ZC3H14: variants seen among roughly 807,000 people sequenced by gnomAD.
ZC3H14 encodes zinc finger CCCH-type containing 14.
A neutral mutation model predicts 92.4 loss-of-function variants in ZC3H14; 31 were observed. The ratio of observed to expected loss-of-function variants is 0.34; its 90% CI spans 0.25 to 0.45. The LOEUF (loss-of-function observed/expected upper bound fraction) is 0.45, where lower values mean the gene tolerates loss of function less well. Ranked by LOEUF, ZC3H14 falls within the 20% of genes least tolerant of loss-of-function variation. The pLI is 1.00. For synonymous variants in ZC3H14, 321 were observed against 300.9 expected (o/e 1.07, Z -0.69); for missense variants, 781 against 897.3 (o/e 0.87, Z 1.66).
chr14:88,581,268 G>A (rs1412542930), intron 9 of ZC3H14, among the ~76,000 whole-genome samples: 1 of 152,018 alleles, frequency 6.6e-6, no homozygotes, highest in Non-Finnish European at 1.5e-5. Context: ...TAAAAAACTA[G>A]GCTTCTTGGG....
chr14:88,566,718 G>A (rs1257824099), intron 2 of ZC3H14, among the ~76,000 whole-genome samples: 1 of 152,062 alleles, frequency 6.6e-6, no homozygotes, highest in Non-Finnish European at 1.5e-5. Flanking sequence ...TCAGGAGTTC[G>A]AGACCAGCCT....
intron 9 of ZC3H14, among the ~76,000 whole-genome samples, chr14:88,583,473 T>C (rs967885414): frequency 2.6e-5 from 4 of 152,150 alleles, no homozygotes; most frequent in African/African-American, 9.7e-5. Flanking sequence ...CCTCAGGCTG[T>C]CTTCTTCTCA....
At chr14:88,582,201 C>CT (rs2081987832) in intron 9 of ZC3H14, among the ~76,000 whole-genome samples, 1 of 152,190 alleles carries the variant, frequency 6.6e-6, no homozygotes, top group Admixed American at 6.5e-5. Context: ...TAGAGTTATG[C>CT]TTTTAAGAGT....
Position 88,621,934 on chromosome 14 carries a change from C to G in ZC3H14, c.*10183C>G, listed in dbSNP as rs1397333275. 4.4e-6 allele frequency: 2 copies of G among 454,752 alleles called. No homozygotes were observed. The highest frequency in any genetic ancestry group is 8.8e-6 in the Non-Finnish European group (2 of 226,190). 28.2% of individuals were successfully genotyped at this position (454,752 alleles called of 1,614,324 possible). A position where few individuals can be genotyped will look rare whatever the true frequency, so the allele number is the denominator to read the frequency against. On this transcript the variant is annotated 3_prime_UTR_variant, in exon 17 of 17. Coordinates refer to ENST00000251038, the MANE Select transcript of ZC3H14 (RefSeq NM_024824.5). Reference sequence around the variant, plus strand: ...AAATACATAAATACGTGATTCTTAACTATAGTCATCCTACAGTACTACAGA... The same window carrying G: ...AAATACATAAATACGTGATTCTTAAGTATAGTCATCCTACAGTACTACAGA...
chr14:88,575,685 A>C (rs2081071442), intron 7 of ZC3H14, among the ~76,000 whole-genome samples, 155 bp from the exon 8 acceptor site: 1 of 152,136 alleles, frequency 6.6e-6, no homozygotes, highest in African/African-American at 2.4e-5. Flanking sequence ...TGTCTAAAAA[A>C]AAAAATAAGG....
In ZC3H14 at chr14:88,616,962, C is replaced by T. The variant is rs138568052; in HGVS notation, c.*5211C>T. ...TTCAAAAAGTTTCTTGGCAATTAAT[C>T]TCTAAGTACCCTATCATGTTACTTA... is the stretch of plus-strand genomic sequence containing the variant. On this transcript the variant is annotated 3_prime_UTR_variant, in exon 17 of 17. Coordinates refer to ENST00000251038, the MANE Select transcript of ZC3H14 (RefSeq NM_024824.5). 398 of 1,298,798 alleles carry T rather than the reference C, an allele frequency of 3.1e-4. No individual in the cohort carries two copies. In the African/African-American group the frequency reaches 4.7e-3, roughly 15 times the overall value. The allele number at this position is 1,298,798 out of a possible 1,614,324, so 80.5% of individuals were successfully genotyped here.
At chr14:88,585,290 A>G (rs900774206) in intron 9 of ZC3H14, among the ~76,000 whole-genome samples, 3 of 151,390 alleles carry the variant, frequency 2.0e-5, no homozygotes, top group Admixed American at 1.3e-4. Flanking sequence ...CATGTTTTTT[A>G]AGGTTCATTA....
rs1456236534 is a variant in ZC3H14 at position 88,613,709 on chromosome 14, A to C, written c.*1958A>C. On this transcript the variant is annotated 3_prime_UTR_variant, in exon 17 of 17. Transcript: ENST00000251038. ...TGGCGATTGGAAGCAAGGGTACCAG[A>C]GGGCACAGTGTGCTTTGGCATGCAT... The C allele has an allele frequency of 6.6e-6, 1 of 152,214 alleles. No individual in the cohort carries two copies. The highest frequency in any genetic ancestry group is 1.5e-5 in the Non-Finnish European group (1 of 68,036). The allele number at this position is 152,214 out of a possible 1,614,324, so 9.4% of individuals were successfully genotyped here.
rs2088837852 is a variant in ZC3H14 at position 88,621,102 on chromosome 14, T to G, written c.*9351T>G. On this transcript the variant is annotated 3_prime_UTR_variant, in exon 17 of 17. Transcript: ENST00000251038. The stretch of plus-strand genomic sequence containing the variant: ...GTTGTAACCTCTTTTAAAAAAATTA[T>G]CTGTACTTACTTTATCAGCAATATC... The G allele has an allele frequency of 6.2e-7, 1 of 1,607,070 alleles. No individual in the cohort carries two copies. Among genetic ancestry groups the G allele is most frequent in the East Asian group, 2.2e-5 (1 of 44,796 alleles).
intron 8 of ZC3H14, 60 bp downstream of exon 8, chr14:88,576,000 T>G: frequency 7.3e-7 from 1 of 1,363,882 alleles, no homozygotes; most frequent in Non-Finnish European, 1.0e-6. Flanking sequence ...TTGAGTAAGG[T>G]GAAAATGATT....
rs750515011 is a variant in ZC3H14, at chr14:88,563,122, C to T, written c.-12C>T. 5 of 1,589,390 alleles carry T rather than the reference C, an allele frequency of 3.1e-6. No homozygotes were observed. The Admixed American group carries it at 8.6e-5, about 27-fold the overall frequency. ...CGCCGCGCAGTGCTGAGTTCCCGCA[C>T]GCCGCAGAGCCATGGAGATCGGCAC... is the stretch of plus-strand genomic sequence containing the variant. On this transcript the variant is annotated 5_prime_UTR_variant, in exon 1 of 17. It adds an upstream start codon to the 5' untranslated region. Transcript: ENST00000251038.
rs1009281288 is a variant in ZC3H14 at position 88,572,985 on chromosome 14, A to C, written c.839A>C (p.Asn280Thr). The part of the protein sequence containing the change: ...EETYSPFFRN[N>T]SEKMSMEDEN... ...ACGTATAGTCCGTTCTTTAGAAACA[A>C]CTCGGAGAAAATGAGTATGGAGGTT... The change falls in exon 6 of 17, where the codon AAC (asparagine) becomes ACC (threonine). Residue 280 changes from asparagine to threonine, a missense_variant. Coordinates refer to ENST00000251038, the MANE Select transcript of ZC3H14 (RefSeq NM_024824.5). 13 of 1,613,924 alleles carry C rather than the reference A, an allele frequency of 8.1e-6. No individual in the cohort carries two copies. In the African/African-American group the frequency reaches 1.1e-4, roughly 13 times the overall value.
rs548144948 is a variant in ZC3H14 at position 88,617,338 on chromosome 14, G to T, written c.*5587G>T. 2.0e-5 allele frequency: 3 copies of T among 153,702 alleles called. No homozygotes were observed. In the South Asian group the frequency reaches 6.1e-4, roughly 31 times the overall value. The allele number at this position is 153,702 out of a possible 1,614,324, so 9.5% of individuals were successfully genotyped here. On this transcript the variant is annotated 3_prime_UTR_variant, in exon 17 of 17. Transcript: ENST00000251038. Reference sequence around the variant, plus strand: ...TATTTTGTATTTTTAGTAGAGACAGGGTTTCTCCATGTTGGTCAGGCTAGT... The same window carrying T: ...TATTTTGTATTTTTAGTAGAGACAGTGTTTCTCCATGTTGGTCAGGCTAGT...
intron 9 of ZC3H14, among the ~76,000 whole-genome samples, chr14:88,581,713 G>A: frequency 6.6e-6 from 1 of 152,262 alleles, no homozygotes; most frequent in Admixed American, 6.5e-5. Flanking sequence ...ACGTCCAAAG[G>A]ATGCAGGCGC....
rs544168340 is a variant in ZC3H14 at position 88,614,499 on chromosome 14, G to A, written c.*2748G>A. 5.3e-5 allele frequency: 8 copies of A among 152,290 alleles called. No individual in the cohort carries two copies. The highest frequency in any genetic ancestry group is 1.9e-4 in the African/African-American group (8 of 41,554). The allele number at this position is 152,290 out of a possible 1,614,324, so 9.4% of individuals were successfully genotyped here. On this transcript the variant is annotated 3_prime_UTR_variant, in exon 17 of 17. Transcript: ENST00000251038. ...GGTATTAAGAATCTTCATATATCCTGTCAGACCAAATGGGATTCCAGGAAC... is the reference window on the plus strand; with the variant it reads ...GGTATTAAGAATCTTCATATATCCTATCAGACCAAATGGGATTCCAGGAAC...
rs577362351 is a variant in ZC3H14 at position 88,572,036 on chromosome 14, C to G, written c.242C>G (p.Ser81Cys). 6.2e-7 allele frequency: 1 copy of G among 1,613,374 alleles called. No homozygotes were observed. Among genetic ancestry groups the G allele is most frequent in the South Asian group, 1.1e-5 (1 of 90,986 alleles). ...DKLRSVTTEPSSLKSSDTNIF... is the reference protein window; with the variant it reads ...DKLRSVTTEPCSLKSSDTNIF... ...ACTGTATTTTTCTTTTCAGAACCCTCTAGTCTGAAGTCTTCTGATACCAAC... is the reference window on the plus strand; with the variant it reads ...ACTGTATTTTTCTTTTCAGAACCCTGTAGTCTGAAGTCTTCTGATACCAAC... The change falls in exon 5 of 17, where the codon TCT becomes TGT. Residue 81 changes from serine (S) to cysteine (C), a missense_variant. Ser to Cys is a moderately radical substitution (Grantham distance 112, BLOSUM62 -1). Around this residue, in one of 3 missense-constraint regions of ZC3H14, gnomAD observed 106 missense variants for 154.2 expected, o/e 0.69. Coordinates refer to ENST00000251038, the MANE Select transcript of ZC3H14 (RefSeq NM_024824.5).
chr14:88,618,170 G>T lies in ZC3H14; in HGVS notation c.*6419G>T. 6.9e-7 allele frequency: 1 copy of T among 1,445,406 alleles called. No homozygotes were observed. The highest frequency in any genetic ancestry group is 1.4e-5 in the African/African-American group (1 of 71,940). The allele number at this position is 1,445,406 out of a possible 1,614,324, so 89.5% of individuals were successfully genotyped here. ...GAATGGCTCTAACAGTTCAGAAATA[G>T]GATTTTCTAACTGGCCTTCAAAGTC... On this transcript the variant is annotated 3_prime_UTR_variant, in exon 17 of 17. Coordinates refer to ENST00000251038, the MANE Select transcript of ZC3H14 (RefSeq NM_024824.5).
chr14:88,575,684 A>T (rs2081071149), intron 7 of ZC3H14, among the ~76,000 whole-genome samples, 156 bp from the exon 8 acceptor site: 1 of 152,164 alleles, frequency 6.6e-6, no homozygotes, highest in Non-Finnish European at 1.5e-5. Context: ...CTGTCTAAAA[A>T]AAAAAATAAG....
Position 88,601,315 on chromosome 14 carries a change from G to A in ZC3H14, c.1355-609G>A, listed in dbSNP as rs576431757. ...ATAGGTCAGCCATTCTGGGTTGTAG[G>A]TCTTGGCATATTTTATAAAATAGTA... On this transcript the variant is annotated intron_variant, in intron 10 of 16. Transcript: ENST00000251038. Among the ~76,000 whole-genome samples the A allele has an allele frequency of 6.6e-5, 10 of 152,256 alleles. No homozygotes were observed. The South Asian group carries it at 1.4e-3, about 22-fold the overall frequency.
Sources: gnomAD v4.1 joint callset for allele counts (sites outside exome capture counted in the v4.1 genomes callset) on GRCh38, gnomAD v4.1.1 for gene constraint, gnomAD v4.1.1 regional missense constraint, MANE v1.5 for transcripts, NCBI Gene and HGNC (gene_info 2026-07-23, HGNC 2026-07-21) for gene names.